CTNNA3: variants seen among roughly 807,000 people sequenced by gnomAD.
CTNNA3 encodes catenin alpha-3.
In CTNNA3, 76 loss-of-function variants were observed where a neutral mutation model predicts 95.7. That is an observed-to-expected ratio of 0.79 (90% CI 0.66 to 0.96). The LOEUF is 0.96. Ranked by LOEUF, CTNNA3 falls within the 40% of genes least tolerant of loss-of-function variation. The pLI, the probability that CTNNA3 is intolerant of heterozygous loss-of-function variation, is 0.00. For missense variants in CTNNA3, 1,191 were observed against 1,089.8 expected (o/e 1.09, Z -1.31); for synonymous variants, 431 against 374.4 (o/e 1.15, Z -1.74).
At chr10:66,390,345 C>T (rs1429166198) in intron 11 of CTNNA3, among the ~76,000 whole-genome samples, 1 of 152,042 alleles carries the variant, frequency 6.6e-6, no homozygotes, top group Non-Finnish European at 1.5e-5. Context: ...AAATGATACA[C>T]TATCAACAGT....
In CTNNA3 at chr10:67,491,464, C is replaced by G. The variant is rs929711300; in HGVS notation, c.579+30378G>C. 2.6e-5 allele frequency among the ~76,000 whole-genome samples: 4 copies of G among 152,246 alleles called. No individual in the cohort carries two copies. In the South Asian group the frequency reaches 8.3e-4, roughly 32 times the overall value. Reference sequence around the variant, plus strand: ...CGAAACACCATAAAGTAGTATCTACCTCCAAATTAGGAGCCATCACATATG... The same window carrying G: ...CGAAACACCATAAAGTAGTATCTACGTCCAAATTAGGAGCCATCACATATG... On this transcript the variant is annotated intron_variant, in intron 5 of 17. Transcript: ENST00000433211.
At chr10:67,483,519 A>G (rs957769907) in intron 5 of CTNNA3, among the ~76,000 whole-genome samples, 8 of 151,642 alleles carry the variant, frequency 5.3e-5, no homozygotes, top group Admixed American at 1.3e-4. Context: ...TCACAAGGAC[A>G]AAAAACCAAA....
At chr10:66,552,237 T>C (rs1442531794) in intron 10 of CTNNA3, among the ~76,000 whole-genome samples, 4 of 152,300 alleles carry the variant, frequency 2.6e-5, no homozygotes, top group Admixed American at 6.5e-5. Flanking sequence ...ACTTTCTCTA[T>C]GCTGGGATTT....
chr10:67,073,934 T>C (rs1856596060), intron 7 of CTNNA3, among the ~76,000 whole-genome samples: 2 of 152,172 alleles, frequency 1.3e-5, no homozygotes, highest in Non-Finnish European at 2.9e-5. Flanking sequence ...AAAATGTAAC[T>C]AATAGCAGAG....
chr10:67,413,755 A>C (rs926914737), intron 5 of CTNNA3, among the ~76,000 whole-genome samples: 1 of 152,154 alleles, frequency 6.6e-6, no homozygotes, highest in Non-Finnish European at 1.5e-5. Flanking sequence ...AGTGTAATAA[A>C]ACTAGACATC....
At chr10:67,262,874 GAGTT>G in intron 5 of CTNNA3, among the ~76,000 whole-genome samples, 1 of 152,318 alleles carries the variant, frequency 6.6e-6, no homozygotes, top group African/African-American at 2.4e-5. Flanking sequence ...GCAAAGGCAA[GAGTT>G]CCAATAAATT....
chr10:67,177,230 T>G (rs917158735), intron 7 of CTNNA3, among the ~76,000 whole-genome samples: 7 of 152,212 alleles, frequency 4.6e-5, no homozygotes, highest in Non-Finnish European at 8.8e-5. Flanking sequence ...TTGAACTTAT[T>G]GAACGTTGAG....
At chr10:66,851,450 T>C (rs1424903424) in intron 7 of CTNNA3, among the ~76,000 whole-genome samples, 5 of 152,156 alleles carry the variant, frequency 3.3e-5, no homozygotes, top group Non-Finnish European at 7.4e-5. Context: ...CCAAATCTCA[T>C]GTCGAATTAT....
intron 6 of CTNNA3, among the ~76,000 whole-genome samples, chr10:67,192,457 A>T (rs1335838770): frequency 1.3e-5 from 2 of 151,946 alleles, no homozygotes; most frequent in African/African-American, 4.8e-5. Context: ...CTGAATATAC[A>T]TTTCTGAAAA....
At chr10:66,383,394 C>CA (rs2092858740) in intron 11 of CTNNA3, among the ~76,000 whole-genome samples, 1 of 151,754 alleles carries the variant, frequency 6.6e-6, no homozygotes, top group African/African-American at 2.4e-5. Context: ...CAAGGTTAGA[C>CA]AAAAAAGAGT....
chr10:66,595,331 T>TTTATTA lies in CTNNA3; in HGVS notation c.1374+26355_1374+26360dup, dbSNP rs138690387. 1.9e-3 allele frequency among the ~76,000 whole-genome samples: 286 copies of TTTATTA among 149,168 alleles called. 3 individuals carry two copies. Among genetic ancestry groups the TTTATTA allele is most frequent in the South Asian group, 0.014 (68 of 4,702 alleles). ...ATTCCTTGTTGATTGATTGATCTTATTTATTATTATTATTATTATTATTAT... is the reference window on the plus strand; with the variant it reads ...ATTCCTTGTTGATTGATTGATCTTATTTATTATTATTATTATTATTATTATTATTAT... On this transcript the variant is annotated intron_variant, in intron 10 of 17. Coordinates refer to ENST00000433211, the MANE Select transcript of CTNNA3 (RefSeq NM_013266.4).
At chr10:67,721,889 C>T (rs1209996520) in intron 1 of CTNNA3, among the ~76,000 whole-genome samples, 4 of 151,996 alleles carry the variant, frequency 2.6e-5, no homozygotes, top group Admixed American at 1.3e-4. Flanking sequence ...CTTTCTGTTT[C>T]TTAGTTTTCC....
intron 7 of CTNNA3, among the ~76,000 whole-genome samples, chr10:66,915,567 T>A (rs1846444580): frequency 6.6e-6 from 1 of 151,782 alleles, no homozygotes; most frequent in South Asian, 2.1e-4. Context: ...GAAATAGGGA[T>A]CCTGTTCTGG....
At chr10:67,635,095 C>A (rs1054945861) in intron 2 of CTNNA3, among the ~76,000 whole-genome samples, 2 of 151,996 alleles carry the variant, frequency 1.3e-5, no homozygotes, top group African/African-American at 4.8e-5. Context: ...CTCCTGGACA[C>A]ATACACCCTC....
chr10:66,371,855 T>A (rs2092756947), intron 12 of CTNNA3, among the ~76,000 whole-genome samples: 1 of 152,212 alleles, frequency 6.6e-6, no homozygotes, highest in African/African-American at 2.4e-5. Flanking sequence ...TCTACTAAGA[T>A]AATGCTTCTG....
At chr10:66,684,549 G>T (rs1213640358) in intron 9 of CTNNA3, among the ~76,000 whole-genome samples, 2 of 151,938 alleles carry the variant, frequency 1.3e-5, no homozygotes, top group South Asian at 4.1e-4. Flanking sequence ...TTCTTTTTCA[G>T]CAGTCTTTTT....
chr10:66,302,715 A>G (rs2091880023), intron 12 of CTNNA3, among the ~76,000 whole-genome samples: 1 of 152,114 alleles, frequency 6.6e-6, no homozygotes, highest in South Asian at 2.1e-4. Flanking sequence ...TATCTGTACT[A>G]TCATTGAATC....
At chr10:65,956,572 A>T (rs1589171503) in intron 17 of CTNNA3, among the ~76,000 whole-genome samples, 1 of 152,122 alleles carries the variant, frequency 6.6e-6, no homozygotes, top group Non-Finnish European at 1.5e-5. Context: ...TGTCCCAGAG[A>T]TTCTGGTATG....
chr10:66,010,546 A>G (rs1022461076), intron 15 of CTNNA3, among the ~76,000 whole-genome samples: 1 of 152,212 alleles, frequency 6.6e-6, no homozygotes, highest in African/African-American at 2.4e-5. Flanking sequence ...TTTTAGAAAC[A>G]TGGAAAATAA....
Sources: allele counts gnomAD v4.1 joint callset (sites outside exome capture counted in the v4.1 genomes callset), GRCh38; gene constraint gnomAD v4.1.1; transcripts MANE v1.5; gene names NCBI Gene and HGNC (gene_info 2026-07-23, HGNC 2026-07-21).